Variants in GRIK2 observed in about 807,000 individuals in gnomAD.
The protein encoded by GRIK2 is glutamate receptor ionotropic, kainate 2.
In GRIK2, 32 loss-of-function variants were observed where a neutral mutation model predicts 100.3. The ratio of observed to expected loss-of-function variants is 0.32; its 90% CI spans 0.24 to 0.43. GRIK2 has a LOEUF of 0.43. Ranked by LOEUF, GRIK2 falls within the 20% of genes least tolerant of loss-of-function variation. The pLI, the probability that GRIK2 is intolerant of heterozygous loss-of-function variation, is 1.00. For missense variants in GRIK2, 843 were observed against 1,114.9 expected (o/e 0.76, Z 3.47); for synonymous variants, 417 against 389.4 (o/e 1.07, Z -0.83).
At chr6:101,760,368 ATATT>A (rs1777440961) in intron 7 of GRIK2, among the ~76,000 whole-genome samples, 1 of 87,076 alleles carries the variant, frequency 1.1e-5, no homozygotes, top group South Asian at 3.6e-4. Flanking sequence ...ATTTAATTAT[ATATT>A]TATTATATAT....
intron 7 of GRIK2, among the ~76,000 whole-genome samples, chr6:101,750,143 G>A (rs9498687): frequency 4.6e-5 from 7 of 151,928 alleles, no homozygotes; most frequent in South Asian, 4.2e-4. Flanking sequence ...GATAAATATC[G>A]TACCTAAAGT....
chr6:101,805,726 A>G (rs1222480949), intron 9 of GRIK2, among the ~76,000 whole-genome samples: 1 of 152,050 alleles, frequency 6.6e-6, no homozygotes, highest in Non-Finnish European at 1.5e-5. Context: ...GGGCAGTAAT[A>G]AGTGCTGAAA....
chr6:101,547,106 CA>C (rs1776282381), intron 2 of GRIK2, among the ~76,000 whole-genome samples: 1 of 152,010 alleles, frequency 6.6e-6, no homozygotes, highest in South Asian at 2.1e-4. Context: ...GCTGGGATTA[CA>C]GGCGTGAGCC....
intron 9 of GRIK2, among the ~76,000 whole-genome samples, chr6:101,805,378 G>A (rs1440539951): frequency 6.6e-6 from 1 of 151,096 alleles, no homozygotes; most frequent in African/African-American, 2.4e-5. Flanking sequence ...AGAATACTAT[G>A]GCCTCTAAAA....
intron 10 of GRIK2, among the ~76,000 whole-genome samples, chr6:101,843,717 A>G (rs1332446557): frequency 6.6e-6 from 1 of 152,224 alleles, no homozygotes; most frequent in Non-Finnish European, 1.5e-5. Flanking sequence ...TTTTTAAATA[A>G]TGATGCTAAG....
At chr6:101,903,731 T>A (rs12201321) in intron 12 of GRIK2, among the ~76,000 whole-genome samples, 15,131 of 151,384 alleles carry the variant, frequency 0.1, 884 homozygotes, top group Middle Eastern at 0.21. Flanking sequence ...TGTGGGATAT[T>A]CAAATACATC....
chr6:101,585,364 T>A (rs1778310195), intron 2 of GRIK2, among the ~76,000 whole-genome samples: 1 of 152,122 alleles, frequency 6.6e-6, no homozygotes, highest in African/African-American at 2.4e-5. Flanking sequence ...GTTAGTCCAC[T>A]GGTCCACTAT....
intron 12 of GRIK2, among the ~76,000 whole-genome samples, chr6:101,903,726 G>A (rs1006702399): frequency 6.6e-6 from 1 of 150,820 alleles, no homozygotes; most frequent in Non-Finnish European, 1.5e-5. Flanking sequence ...TTTGATGTGG[G>A]ATATTCAAAT....
At position 102,035,502 on chromosome 6, in the gene GRIK2, C is replaced by T; in HGVS notation, c.2247C>T (p.Asn749=). The T allele has an allele frequency of 1.2e-6, 2 of 1,610,086 alleles. No homozygotes were observed. Among genetic ancestry groups the T allele is most frequent in the Non-Finnish European group, 1.7e-6 (2 of 1,177,262 alleles). Residue 749 remains asparagine, a synonymous_variant, in exon 15 of 17, where the codon AAC becomes AAT. Coordinates refer to ENST00000369134, the MANE Select transcript of GRIK2 (RefSeq NM_021956.5). ...CCATCGAGTTTGTTACCCAGCGGAA[C>T]TGTAACCTGACACAGATTGGCGGCC... ...STTIEFVTQR[N]CNLTQIGGLI... is the part of the protein sequence containing the mutation.
intron 2 of GRIK2, among the ~76,000 whole-genome samples, chr6:101,458,281 C>T (rs886988660): frequency 6.6e-6 from 1 of 151,878 alleles, no homozygotes; most frequent in Admixed American, 6.6e-5. Context: ...ATGCAACTGA[C>T]TTATTTCATC....
chr6:101,930,360 T>A lies in GRIK2; in HGVS notation c.2085+1728T>A, dbSNP rs1349659527. On this transcript the variant is annotated intron_variant, in intron 14 of 16. Coordinates refer to ENST00000369134, the MANE Select transcript of GRIK2 (RefSeq NM_021956.5). ...CCTGTCTCAAAAAAAAAAAATAAAATAAAATAAAATAAATAAGTCGCTGAA... is the reference window on the plus strand; with the variant it reads ...CCTGTCTCAAAAAAAAAAAATAAAAAAAAATAAAATAAATAAGTCGCTGAA... Among the ~76,000 whole-genome samples the A allele has an allele frequency of 6.9e-5, 7 of 102,022 alleles. 2 individuals carry two copies. The highest frequency in any genetic ancestry group is 2.7e-4 in the African/African-American group (7 of 25,922). 66.9% of individuals were successfully genotyped at this position (102,022 alleles called of 152,430 possible). A position where few individuals can be genotyped will look rare whatever the true frequency, so the allele number is the denominator to read the frequency against.
intron 2 of GRIK2, among the ~76,000 whole-genome samples, chr6:101,483,125 A>G (rs544200603): frequency 1.3e-5 from 2 of 152,154 alleles, no homozygotes; most frequent in African/African-American, 4.8e-5. Flanking sequence ...TTTTTAAATC[A>G]GATATCTTTC....
intron 2 of GRIK2, among the ~76,000 whole-genome samples, chr6:101,587,655 T>G (rs1232082): frequency 0.064 from 9,683 of 152,216 alleles, 381 homozygotes; most frequent in South Asian, 0.12. Context: ...AAATAAGTTA[T>G]AATTAGTTGA....
intron 4 of GRIK2, among the ~76,000 whole-genome samples, chr6:101,648,895 A>G (rs572767138): frequency 6.6e-6 from 1 of 152,184 alleles, no homozygotes; most frequent in South Asian, 2.1e-4. Context: ...GATAAAGGAA[A>G]GACATGTCTT....
intron 7 of GRIK2, among the ~76,000 whole-genome samples, chr6:101,788,879 C>T (rs1428977445): frequency 6.6e-6 from 1 of 152,094 alleles, no homozygotes; most frequent in Non-Finnish European, 1.5e-5. Context: ...CCTGTTGTTT[C>T]CTGACTGTTT....
rs1054958455 is a variant in GRIK2 at position 101,676,869 on chromosome 6, T to G, written c.723+65T>G. ...ACTTGCACTTACAATATGATCTTCT[T>G]TTAAATCAAAATATTATTGTTATGC... On this transcript the variant is annotated intron_variant, in intron 5 of 16. Coordinates refer to ENST00000369134, the MANE Select transcript of GRIK2 (RefSeq NM_021956.5). The G allele has an allele frequency of 1.1e-5, 10 of 904,694 alleles. No homozygotes were observed. The African/African-American group carries it at 1.6e-4, about 14-fold the overall frequency. 56.0% of individuals were successfully genotyped at this position (904,694 alleles called of 1,614,324 possible).
chr6:101,753,685 CAG>C (rs1776945197), intron 7 of GRIK2, among the ~76,000 whole-genome samples: 1 of 151,678 alleles, frequency 6.6e-6, no homozygotes, highest in South Asian at 2.1e-4. Context: ...AAAAAAGGAA[CAG>C]AATATTAGTG....
chr6:101,402,623 A>G (rs931345657), intron 2 of GRIK2, among the ~76,000 whole-genome samples: 1 of 152,070 alleles, frequency 6.6e-6, no homozygotes, highest in African/African-American at 2.4e-5. Context: ...CCCGCCTTTG[A>G]TCCTGTGTTG....
chr6:101,743,148 C>G (rs761235994), intron 7 of GRIK2, among the ~76,000 whole-genome samples: 1 of 152,170 alleles, frequency 6.6e-6, no homozygotes, highest in Non-Finnish European at 1.5e-5. Context: ...TGGACATTTA[C>G]ACCAGCCCAA....
Sources: allele counts gnomAD v4.1 joint callset (sites outside exome capture counted in the v4.1 genomes callset), GRCh38; gene constraint gnomAD v4.1.1; transcripts MANE v1.5; gene names NCBI Gene and HGNC (gene_info 2026-07-23, HGNC 2026-07-21).